The following GALNT13 variants were observed in gnomAD, a reference collection of about 807,000 sequenced individuals.
GALNT13 encodes UDP-GalNAc:polypeptide N-acetylgalactosaminyltransferase 13.
A neutral mutation model predicts 64.2 loss-of-function variants in GALNT13; 28 were observed. That is an observed-to-expected ratio of 0.44 (90% CI 0.32 to 0.60). The LOEUF is 0.60. Among genes scored for constraint, GALNT13 ranks in the 20% least tolerant of loss-of-function variants. The pLI is 0.05. For synonymous variants in GALNT13, 214 were observed against 224.6 expected, an observed-to-expected ratio of 0.95 and a Z score of 0.42; for missense variants, 577 against 669.8, an observed-to-expected ratio of 0.86 and a Z score of 1.53.
At chr2:153,143,154 C>T in the GALNT13 span, among the ~76,000 whole-genome samples, 2 of 151,928 alleles carry the variant, frequency 1.3e-5, no homozygotes. Flanking sequence ...TAGGCTACTT[C>T]TGGTGCAGGC....
At chr2:153,501,519 A>G in the GALNT13 span, among the ~76,000 whole-genome samples, 1 of 151,962 alleles carries the variant, frequency 6.6e-6, no homozygotes, top group African/African-American at 2.4e-5. Flanking sequence ...TTTGGTAGAG[A>G]CAAGGTTTCA....
chr2:153,246,920 A>G, the GALNT13 span, among the ~76,000 whole-genome samples: 1 of 152,260 alleles, frequency 6.6e-6, no homozygotes, highest in African/African-American at 2.4e-5. Flanking sequence ...ATGCAAAGAC[A>G]TACATAGGCT....
the GALNT13 span, among the ~76,000 whole-genome samples, chr2:153,560,059 G>C: frequency 2.0e-5 from 3 of 151,900 alleles, no homozygotes; most frequent in African/African-American, 7.2e-5. Flanking sequence ...CATCAAATTG[G>C]TTCCTATAGC....
At chr2:153,669,041 G>A in the GALNT13 span, among the ~76,000 whole-genome samples, 9 of 152,154 alleles carry the variant, frequency 5.9e-5, no homozygotes, top group Non-Finnish European at 2.9e-5. Context: ...GACCCAGCTT[G>A]GCCATGCCTG....
the GALNT13 span, among the ~76,000 whole-genome samples, chr2:153,506,973 C>A: frequency 6.6e-6 from 1 of 152,200 alleles, no homozygotes; most frequent in Non-Finnish European, 1.5e-5. Flanking sequence ...TTGGGAACAT[C>A]AATCATTCTT....
chr2:154,112,825 T>C (rs1163328286), intron 3 of GALNT13, among the ~76,000 whole-genome samples: 1 of 152,176 alleles, frequency 6.6e-6, no homozygotes, highest in East Asian at 1.9e-4. Flanking sequence ...CTCTGTCAAC[T>C]GATCTTAGGG....
At chr2:153,900,813 C>T (rs1688186675) in intron 1 of GALNT13, 123 bp from the exon 2 acceptor site, 1 of 152,086 alleles carries the variant, frequency 6.6e-6, no homozygotes, top group African/African-American at 2.4e-5. Context: ...ATATGGTCTA[C>T]ATTTTGTAAA....
the GALNT13 span, among the ~76,000 whole-genome samples, chr2:153,436,257 G>A: frequency 6.7e-4 from 102 of 152,184 alleles, no homozygotes; most frequent in South Asian, 2.1e-3. Flanking sequence ...TTTTTGCATC[G>A]ATGTTCATCA....
At chr2:154,339,875 A>G (rs1272985689) in intron 9 of GALNT13, among the ~76,000 whole-genome samples, 3 of 152,106 alleles carry the variant, frequency 2.0e-5, no homozygotes, top group Admixed American at 6.6e-5. Context: ...AAAGGATTTT[A>G]TGTTCAAACT....
the GALNT13 span, among the ~76,000 whole-genome samples, chr2:153,690,664 C>A: frequency 1.2e-4 from 19 of 152,118 alleles, no homozygotes; most frequent in Non-Finnish European, 2.4e-4. Context: ...TTCCTGAATA[C>A]TTAATGAACA....
At chr2:153,718,414 GT>G in the GALNT13 span, among the ~76,000 whole-genome samples, 509 of 142,620 alleles carry the variant, frequency 3.6e-3, 1 homozygote, top group African/African-American at 1.0e-2. Flanking sequence ...AGCTTAAAGG[GT>G]TTTTTTTTTT....
At chr2:153,884,855 A>ATG (rs1687053829) in intron 1 of GALNT13, among the ~76,000 whole-genome samples, 2 of 61,292 alleles carry the variant, frequency 3.3e-5, no homozygotes, top group South Asian at 1.4e-3. Context: ...ATATATGTAT[A>ATG]TACACACACA....
At chr2:153,414,443 G>A in the GALNT13 span, among the ~76,000 whole-genome samples, 1 of 150,684 alleles carries the variant, frequency 6.6e-6, no homozygotes, top group Non-Finnish European at 1.5e-5. Flanking sequence ...TTGATGAAAT[G>A]GTGAGCATCT....
chr2:154,116,636 C>T (rs1016267198), intron 3 of GALNT13, among the ~76,000 whole-genome samples: 1 of 152,168 alleles, frequency 6.6e-6, no homozygotes, highest in Non-Finnish European at 1.5e-5. Flanking sequence ...CTCACATGAG[C>T]TGTGAATCTG....
the GALNT13 span, among the ~76,000 whole-genome samples, chr2:153,634,152 A>G: frequency 6.6e-6 from 1 of 152,192 alleles, no homozygotes; most frequent in Non-Finnish European, 1.5e-5. Context: ...ACCACCGGGA[A>G]AATTATTTAG....
chr2:153,095,914 A>C, the GALNT13 span, among the ~76,000 whole-genome samples: 1 of 152,184 alleles, frequency 6.6e-6, no homozygotes, highest in Non-Finnish European at 1.5e-5. Context: ...GAGGGATAGC[A>C]TTAGGAGATA....
chr2:153,155,278 A>G, the GALNT13 span, among the ~76,000 whole-genome samples: 1 of 152,148 alleles, frequency 6.6e-6, no homozygotes, highest in Non-Finnish European at 1.5e-5. Context: ...ATTCTTTGGA[A>G]TAGTTTCAGT....
At chr2:154,141,344 T>C (rs1683247726) in intron 4 of GALNT13, among the ~76,000 whole-genome samples, 1 of 152,162 alleles carries the variant, frequency 6.6e-6, no homozygotes, top group South Asian at 2.1e-4. Flanking sequence ...AAGTCTTGAA[T>C]TTTTTTCACT....
At chr2:153,853,706 C>G in the GALNT13 span, among the ~76,000 whole-genome samples, 2 of 149,400 alleles carry the variant, frequency 1.3e-5, no homozygotes, top group Admixed American at 6.7e-5. Context: ...TGCATAATAT[C>G]ATATAATTAT....
Sources: allele counts gnomAD v4.1 joint callset (sites outside exome capture counted in the v4.1 genomes callset), GRCh38; gene constraint gnomAD v4.1.1; transcripts MANE v1.5; gene names NCBI Gene and HGNC (gene_info 2026-07-23, HGNC 2026-07-21).